GRIK1: variants seen among roughly 807,000 people sequenced by gnomAD.
GRIK1 encodes glutamate receptor ionotropic, kainate 1.
Under a neutral mutation model 105.7 loss-of-function variants are expected in GRIK1, and 69 were observed. The observed-to-expected ratio is 0.65, with a 90% confidence interval of 0.54 to 0.80. The LOEUF is 0.80. Among genes scored for constraint, GRIK1 ranks in the 30% least tolerant of loss-of-function variants. GRIK1 has a pLI of 0.00. For missense variants in GRIK1, 1,109 were observed against 1,167.3 expected (o/e 0.95, Z 0.73); for synonymous variants, 438 against 431.3 (o/e 1.02, Z -0.19).
chr21:29,690,016 A>G, intron 2 of GRIK1, 31 bp from the exon 3 acceptor site: 4 of 866,340 alleles, frequency 4.6e-6, no homozygotes, highest in Non-Finnish European at 3.7e-6. Flanking sequence ...GAGGATGGGG[A>G]GGGAGGGCAG....
intron 7 of GRIK1, among the ~76,000 whole-genome samples, chr21:29,619,439 GA>G (rs376193631): frequency 6.7e-6 from 1 of 149,390 alleles, no homozygotes; most frequent in South Asian, 2.1e-4. Context: ...TCTCAAAAAA[GA>G]AAAAAAAATA....
intron 1 of GRIK1, among the ~76,000 whole-genome samples, chr21:29,765,979 G>A (rs1444273040): frequency 6.6e-6 from 1 of 151,868 alleles, no homozygotes; most frequent in Non-Finnish European, 1.5e-5. Flanking sequence ...AGCCTCCCGA[G>A]TAGCTGGGAC....
intron 1 of GRIK1, chr21:29,759,121 C>CTTTTTTT (rs368468748): frequency 6.9e-6 from 1 of 144,480 alleles, no homozygotes. Context: ...TTTTCTTTTT[C>CTTTTTTT]TTTTCTTTTT....
chr21:29,884,181 G>C (rs759055507), intron 1 of GRIK1, among the ~76,000 whole-genome samples: 1 of 151,954 alleles, frequency 6.6e-6, no homozygotes, highest in Non-Finnish European at 1.5e-5. Context: ...ATATTTAATG[G>C]AAGTTGAAAG....
intron 7 of GRIK1, among the ~76,000 whole-genome samples, chr21:29,612,147 A>T (rs904881304): frequency 6.6e-6 from 1 of 152,204 alleles, no homozygotes; most frequent in Non-Finnish European, 1.5e-5. Context: ...GGCCAACTGG[A>T]ATTGACACAT....
At chr21:29,668,479 A>T (rs2063101380) in intron 4 of GRIK1, among the ~76,000 whole-genome samples, 1 of 152,206 alleles carries the variant, frequency 6.6e-6, no homozygotes, top group Non-Finnish European at 1.5e-5. Flanking sequence ...GCCAGAAAGG[A>T]TGCCTCTGAA....
intron 5 of GRIK1, among the ~76,000 whole-genome samples, chr21:29,653,032 C>T (rs934360578): frequency 1.3e-5 from 2 of 152,038 alleles, no homozygotes; most frequent in African/African-American, 2.4e-5. Context: ...TTTTCCTTAA[C>T]ACTAAGTAAC....
At chr21:29,886,542 T>TATTCTATTGTTTCTATTGA (rs1259229970) in intron 1 of GRIK1, among the ~76,000 whole-genome samples, 2 of 152,172 alleles carry the variant, frequency 1.3e-5, no homozygotes, top group Non-Finnish European at 2.9e-5. Context: ...GAATGACTTC[T>TATTCTATTGTTTCTATTGA]ATTCTATGTA....
At chr21:29,850,466 C>G (rs1475909237) in intron 1 of GRIK1, among the ~76,000 whole-genome samples, 1 of 152,086 alleles carries the variant, frequency 6.6e-6, no homozygotes, top group Non-Finnish European at 1.5e-5. Context: ...CACCCTGTAC[C>G]CAATCTCAGA....
At chr21:29,629,613 C>T (rs1026255817) in intron 7 of GRIK1, among the ~76,000 whole-genome samples, 2 of 151,926 alleles carry the variant, frequency 1.3e-5, no homozygotes, top group African/African-American at 2.4e-5. Context: ...CCTCAGCATC[C>T]GGAGTAGCTG....
chr21:29,801,111 G>T (rs890352617), intron 1 of GRIK1, among the ~76,000 whole-genome samples: 1 of 152,110 alleles, frequency 6.6e-6, no homozygotes, highest in African/African-American at 2.4e-5. Flanking sequence ...AGACCACATG[G>T]TTGACTAGGG....
At chr21:29,566,030 G>C (rs946851017) in intron 14 of GRIK1, among the ~76,000 whole-genome samples, 1 of 152,190 alleles carries the variant, frequency 6.6e-6, no homozygotes, top group African/African-American at 2.4e-5. Flanking sequence ...AATGTTGGGA[G>C]TAAATTACAT....
rs77945584 is a variant in GRIK1 at position 29,925,803 on chromosome 21, T to A, written c.118+13580A>T. ...CCCAAATGGTGGGCTGCCTTCCTGA[T>A]TTTTTATGACGTTCTCAAAAAGTGA... On this transcript the variant is annotated intron_variant, in intron 1 of 17. Coordinates refer to ENST00000327783, the MANE Select transcript of GRIK1 (RefSeq NM_001330994.2). Among the ~76,000 whole-genome samples, 52 of 152,328 alleles carry A rather than the reference T, an allele frequency of 3.4e-4. No individual in the cohort carries two copies. In the East Asian group the frequency reaches 7.4e-3, roughly 22 times the overall value.
At position 29,578,997 on chromosome 21, in the gene GRIK1, A is replaced by G. The variant is rs143628715; in HGVS notation, c.1913-1816T>C. On this transcript the variant is annotated intron_variant, in intron 13 of 17. Transcript: ENST00000327783. ...TTTCATTATTTGGTTGCATATGAAA[A>G]CATAAGGTTTTCACTTATTTGTATA... is the stretch of plus-strand genomic sequence containing the variant. Among the ~76,000 whole-genome samples, 1,301 of 152,248 alleles carry G rather than the reference A, an allele frequency of 8.5e-3. 20 individuals carry two copies. Among genetic ancestry groups the G allele is most frequent in the African/African-American group, 0.03 (1,241 of 41,570 alleles).
chr21:29,644,706 C>A (rs913869761), intron 6 of GRIK1, among the ~76,000 whole-genome samples: 1 of 152,194 alleles, frequency 6.6e-6, no homozygotes, highest in Non-Finnish European at 1.5e-5. Context: ...TTTGAGCCTG[C>A]ACCTGCCTGA....
chr21:29,753,763 T>A (rs1289233899), intron 1 of GRIK1, among the ~76,000 whole-genome samples: 1 of 152,196 alleles, frequency 6.6e-6, no homozygotes, highest in African/African-American at 2.4e-5. Context: ...TGAAATATTT[T>A]TAGGTAAACA....
At chr21:29,853,862 G>C (rs2068380943) in intron 1 of GRIK1, among the ~76,000 whole-genome samples, 1 of 152,182 alleles carries the variant, frequency 6.6e-6, no homozygotes, top group Non-Finnish European at 1.5e-5. Flanking sequence ...GTCAGAGGGA[G>C]ATAAGTTTAA....
intron 1 of GRIK1, among the ~76,000 whole-genome samples, chr21:29,725,080 G>C (rs1011065605): frequency 2.0e-5 from 3 of 151,124 alleles, no homozygotes; most frequent in African/African-American, 7.3e-5. Flanking sequence ...CCTTTTCTGA[G>C]AGTCCACTCA....
chr21:29,602,354 A>T (rs1030177288), intron 7 of GRIK1, among the ~76,000 whole-genome samples: 9 of 152,222 alleles, frequency 5.9e-5, no homozygotes, highest in African/African-American at 2.2e-4. Flanking sequence ...ATTTGGTTCA[A>T]TTATGTTTTC....
Sources: allele counts gnomAD v4.1 joint callset (sites outside exome capture counted in the v4.1 genomes callset), GRCh38; gene constraint gnomAD v4.1.1; transcripts MANE v1.5; gene names NCBI Gene and HGNC (gene_info 2026-07-23, HGNC 2026-07-21).